The following TAS2R1 variants were observed in gnomAD, a reference collection of about 807,000 sequenced individuals.
The protein encoded by TAS2R1 is taste receptor type 2 member 1.
For missense variants in TAS2R1, 370 were observed against 353.4 expected (o/e 1.05, Z -0.38); for synonymous variants, 141 against 134.2 (o/e 1.05, Z -0.35).
At chr5:9,779,395 A>G in the TAS2R1 span, among the ~76,000 whole-genome samples, 1 of 152,236 alleles carries the variant, frequency 6.6e-6, no homozygotes, top group Non-Finnish European at 1.5e-5. Flanking sequence ...ATTCCTTTAT[A>G]GCAACAAAAA....
chr5:9,681,982 T>C (rs1021299631), intron 1 of TAS2R1, among the ~76,000 whole-genome samples: 4 of 152,214 alleles, frequency 2.6e-5, no homozygotes, highest in Non-Finnish European at 5.9e-5. Flanking sequence ...TAATTGCCTG[T>C]GTCCTTGCCA....
the TAS2R1 span, among the ~76,000 whole-genome samples, chr5:9,754,281 A>C: frequency 6.6e-6 from 1 of 152,172 alleles, no homozygotes; most frequent in African/African-American, 2.4e-5. Context: ...GCTATCTATG[A>C]CAAACCCACA....
At chr5:9,694,131 C>T (rs1016421570) in intron 1 of TAS2R1, among the ~76,000 whole-genome samples, 1 of 151,922 alleles carries the variant, frequency 6.6e-6, no homozygotes, top group African/African-American at 2.4e-5. Context: ...TAATTAGGTC[C>T]CCTTTGCCAA....
chr5:9,697,381 A>G (rs1030641592), intron 1 of TAS2R1, among the ~76,000 whole-genome samples: 2 of 152,192 alleles, frequency 1.3e-5, no homozygotes, highest in Non-Finnish European at 2.9e-5. Context: ...CATATAATAG[A>G]TAAATTATTC....
chr5:9,860,060 G>A, the TAS2R1 span, among the ~76,000 whole-genome samples: 1 of 152,216 alleles, frequency 6.6e-6, no homozygotes, highest in Non-Finnish European at 1.5e-5. Context: ...ATGTTTGTGT[G>A]TTTTAAGTGT....
chr5:9,715,309 G>A (rs1025345751), upstream of TAS2R1, among the ~76,000 whole-genome samples: 3 of 152,164 alleles, frequency 2.0e-5, no homozygotes, highest in Admixed American at 6.5e-5. Flanking sequence ...GCCAGGGACC[G>A]AGGATGCACT....
At chr5:9,802,566 A>C in the TAS2R1 span, among the ~76,000 whole-genome samples, 2 of 152,326 alleles carry the variant, frequency 1.3e-5, no homozygotes, top group East Asian at 3.9e-4. Flanking sequence ...CTATGGATCC[A>C]AACCAAGATC....
At position 9,628,908 on chromosome 5, in the gene TAS2R1, G is replaced by C. The variant is rs1739810913; in HGVS notation, c.*225C>G. 3 of 415,194 alleles carry C rather than the reference G, an allele frequency of 7.2e-6. No homozygotes were observed. The highest frequency in any genetic ancestry group is 7.9e-5 in the Admixed American group (2 of 25,220). 25.7% of individuals were successfully genotyped at this position (415,194 alleles called of 1,614,324 possible). On this transcript the variant is annotated 3_prime_UTR_variant, in exon 1 of 1. Transcript: ENST00000382492. ...GATGATAGTACAATATCACTACCAGGATATTGAAATTGATGTAATCCATCA... is the reference window on the plus strand; with the variant it reads ...GATGATAGTACAATATCACTACCAGCATATTGAAATTGATGTAATCCATCA...
chr5:9,804,484 T>C, the TAS2R1 span, among the ~76,000 whole-genome samples: 1 of 152,108 alleles, frequency 6.6e-6, no homozygotes, highest in Non-Finnish European at 1.5e-5. Context: ...AGATAGACCA[T>C]ATGATAGGCC....
At chr5:9,667,047 T>A (rs1740648819) in intron 1 of TAS2R1, among the ~76,000 whole-genome samples, 1 of 152,138 alleles carries the variant, frequency 6.6e-6, no homozygotes, top group African/African-American at 2.4e-5. Flanking sequence ...TAAAACTACA[T>A]GAGACATGAA....
the TAS2R1 span, among the ~76,000 whole-genome samples, chr5:9,807,675 A>T: frequency 6.6e-6 from 1 of 152,194 alleles, no homozygotes. Context: ...ATGAAAAAGT[A>T]AACATCATAT....
chr5:9,865,201 G>T, the TAS2R1 span, among the ~76,000 whole-genome samples: 1 of 152,108 alleles, frequency 6.6e-6, no homozygotes, highest in African/African-American at 2.4e-5. Flanking sequence ...TGGAGCTAAT[G>T]GTGTCCTGGA....
chr5:9,675,776 C>CT (rs1740863040), intron 1 of TAS2R1, among the ~76,000 whole-genome samples: 1 of 152,092 alleles, frequency 6.6e-6, no homozygotes, highest in Admixed American at 6.6e-5. Flanking sequence ...AGATTTTCCA[C>CT]ATATAAGATC....
the TAS2R1 span, among the ~76,000 whole-genome samples, chr5:9,739,386 A>C: frequency 2.6e-5 from 4 of 152,338 alleles, no homozygotes; most frequent in South Asian, 8.3e-4. Context: ...CTACCCCTGG[A>C]GGCACTATGT....
the TAS2R1 span, among the ~76,000 whole-genome samples, chr5:9,730,814 C>T: frequency 1.3e-5 from 2 of 152,076 alleles, no homozygotes; most frequent in South Asian, 2.1e-4. Context: ...GGCAGTTCCC[C>T]CATACTGTCA....
At chr5:9,694,970 T>C (rs1220227910) in intron 1 of TAS2R1, among the ~76,000 whole-genome samples, 1 of 152,198 alleles carries the variant, frequency 6.6e-6, no homozygotes, top group Non-Finnish European at 1.5e-5. Flanking sequence ...TGTAAAATCC[T>C]TTCTCCTTCC....
At chr5:9,750,728 G>A in the TAS2R1 span, among the ~76,000 whole-genome samples, 2 of 152,248 alleles carry the variant, frequency 1.3e-5, no homozygotes, top group African/African-American at 2.4e-5. Context: ...CAGTGATCAA[G>A]TACAAAATTA....
chr5:9,870,446 T>C, the TAS2R1 span, among the ~76,000 whole-genome samples: 1 of 152,202 alleles, frequency 6.6e-6, no homozygotes, highest in Non-Finnish European at 1.5e-5. Context: ...AAGGTATACA[T>C]CCTTTGTCTC....
chr5:9,857,363 C>T, the TAS2R1 span, among the ~76,000 whole-genome samples: 1 of 152,054 alleles, frequency 6.6e-6, no homozygotes. Context: ...CTCAATTACC[C>T]TGATTTGATT....
Sources: gnomAD v4.1 joint callset for allele counts (sites outside exome capture counted in the v4.1 genomes callset) on GRCh38, gnomAD v4.1.1 for gene constraint, MANE v1.5 for transcripts, NCBI Gene and HGNC (gene_info 2026-07-23, HGNC 2026-07-21) for gene names.